Variants in SYN3 observed in about 807,000 individuals in gnomAD.
SYN3 encodes the protein synapsin III.
In SYN3, 35 loss-of-function variants were observed where a neutral mutation model predicts 65.8. The observed-to-expected ratio is 0.53, with a 90% CI of 0.41 to 0.70. The LOEUF is 0.70. Ranked by LOEUF, SYN3 falls within the 30% of genes least tolerant of loss-of-function variation. The pLI is 0.00. For missense variants in SYN3, 680 were observed against 749.0 expected (o/e 0.91, Z 1.08); for synonymous variants, 270 against 292.9 (o/e 0.92, Z 0.80).
At chr22:32,642,109 G>A (rs1253451756) in intron 6 of SYN3, among the ~76,000 whole-genome samples, 1 of 151,966 alleles carries the variant, frequency 6.6e-6, no homozygotes, top group African/African-American at 2.4e-5. Flanking sequence ...GGTCAATGTG[G>A]GGAAACCCTG....
At chr22:33,029,122 G>C (rs2053703005) in intron 1 of SYN3, among the ~76,000 whole-genome samples, 1 of 150,966 alleles carries the variant, frequency 6.6e-6, no homozygotes, top group Non-Finnish European at 1.5e-5. Flanking sequence ...AGGAAGTCAG[G>C]AAGTGCTATC....
intron 6 of SYN3, among the ~76,000 whole-genome samples, chr22:32,841,664 A>G (rs1210501829): frequency 7.3e-6 from 1 of 137,304 alleles, no homozygotes. Flanking sequence ...GAGGGGAACA[A>G]CATACACTGG....
chr22:32,755,702 T>C (rs1470434618), intron 6 of SYN3, among the ~76,000 whole-genome samples: 1 of 152,188 alleles, frequency 6.6e-6, no homozygotes, highest in Non-Finnish European at 1.5e-5. Flanking sequence ...GTCATTCTGT[T>C]GTGGGCAACC....
intron 6 of SYN3, among the ~76,000 whole-genome samples, chr22:32,622,214 A>G (rs905950735): frequency 6.6e-6 from 1 of 151,922 alleles, no homozygotes; most frequent in Admixed American, 6.6e-5. Flanking sequence ...ACCCACATTC[A>G]TCACTGTCCG....
intron 1 of SYN3, among the ~76,000 whole-genome samples, chr22:33,018,970 A>G (rs1401660000): frequency 2.6e-5 from 4 of 152,110 alleles, no homozygotes; most frequent in African/African-American, 4.8e-5. Flanking sequence ...CATTCCTACC[A>G]TAGACTTGGT....
chr22:32,794,065 G>A (rs1256007856), intron 6 of SYN3, among the ~76,000 whole-genome samples: 2 of 152,226 alleles, frequency 1.3e-5, no homozygotes, highest in East Asian at 3.8e-4. Flanking sequence ...GCATTTGTGT[G>A]TCCAGCATTG....
At chr22:32,820,267 C>T (rs1370075757) in intron 6 of SYN3, among the ~76,000 whole-genome samples, 7 of 143,344 alleles carry the variant, frequency 4.9e-5, no homozygotes, top group Non-Finnish European at 9.2e-5. Context: ...TGTGTGCGTG[C>T]GCGTGTGTGT....
chr22:32,800,792 T>C (rs2046549945), intron 6 of SYN3, among the ~76,000 whole-genome samples: 1 of 152,162 alleles, frequency 6.6e-6, no homozygotes, highest in East Asian at 1.9e-4. Context: ...GCACTTGCTG[T>C]TCCCCCTGCC....
intron 2 of SYN3, among the ~76,000 whole-genome samples, chr22:32,986,773 G>C (rs530835618): frequency 2.0e-4 from 31 of 152,242 alleles, no homozygotes; most frequent in Middle Eastern, 3.4e-3. Context: ...CTCATAATAA[G>C]CTCCCTGAAT....
At chr22:32,839,577 C>A (rs1010295264) in intron 6 of SYN3, among the ~76,000 whole-genome samples, 7 of 152,138 alleles carry the variant, frequency 4.6e-5, no homozygotes, top group Non-Finnish European at 2.9e-5. Context: ...TTGCCCTGTC[C>A]CAGGCCAAGG....
chr22:32,986,623 T>A (rs2052534823), intron 2 of SYN3, among the ~76,000 whole-genome samples: 1 of 152,154 alleles, frequency 6.6e-6, no homozygotes, highest in Non-Finnish European at 1.5e-5. Flanking sequence ...TGGTCTGGAA[T>A]TCTAGATGCC....
chr22:32,782,362 C>T (rs1244374860), intron 6 of SYN3, among the ~76,000 whole-genome samples: 4 of 151,718 alleles, frequency 2.6e-5, no homozygotes, highest in Non-Finnish European at 5.9e-5. Context: ...GCCACCACGC[C>T]CAGCTAATTT....
At chr22:32,700,697 A>T (rs961699114) in intron 6 of SYN3, among the ~76,000 whole-genome samples, 2 of 152,190 alleles carry the variant, frequency 1.3e-5, no homozygotes, top group Non-Finnish European at 2.9e-5. Context: ...TTAGACAAGC[A>T]CTCATATGGC....
At chr22:32,706,072 T>TCTTGG (rs1212768169) in intron 6 of SYN3, among the ~76,000 whole-genome samples, 6 of 152,194 alleles carry the variant, frequency 3.9e-5, no homozygotes, top group Non-Finnish European at 7.4e-5. Flanking sequence ...TGCCTGACTC[T>TCTTGG]CTTGGCCAAG....
chr22:32,600,812 C>T (rs1343485549), intron 6 of SYN3, among the ~76,000 whole-genome samples: 1 of 151,986 alleles, frequency 6.6e-6, no homozygotes, highest in African/African-American at 2.4e-5. Context: ...CTCAGACTTC[C>T]GAGTAGCTGG....
chr22:32,713,110 A>G (rs1165054483), intron 6 of SYN3, among the ~76,000 whole-genome samples: 1 of 152,044 alleles, frequency 6.6e-6, no homozygotes, highest in Non-Finnish European at 1.5e-5. Flanking sequence ...GTCATTATTT[A>G]TTGAATGGAT....
intron 4 of SYN3, among the ~76,000 whole-genome samples, chr22:32,899,432 G>A (rs1392103362): frequency 6.6e-6 from 1 of 152,186 alleles, no homozygotes; most frequent in Non-Finnish European, 1.5e-5. Context: ...CTGGGGAACG[G>A]AGGCGTTAAT....
chr22:32,730,688 T>G (rs923904330), intron 6 of SYN3, among the ~76,000 whole-genome samples: 1 of 152,220 alleles, frequency 6.6e-6, no homozygotes, highest in Non-Finnish European at 1.5e-5. Context: ...ACAGAAACTG[T>G]GAGGTAATAA....
Position 32,588,541 on chromosome 22 carries a change from T to C in SYN3, c.774+8133A>G, listed in dbSNP as rs142463203. Among the ~76,000 whole-genome samples, 529 of 152,340 alleles carry C rather than the reference T, an allele frequency of 3.5e-3. 3 individuals carry two copies. The highest frequency in any genetic ancestry group is 4.7e-3 in the Non-Finnish European group (318 of 68,034). Reference sequence around the variant, plus strand: ...ACAGGGTATATTTGTAGTGTGTTTTTAAAGCTCCCATTCACTGAACCAACC... The same window carrying C: ...ACAGGGTATATTTGTAGTGTGTTTTCAAAGCTCCCATTCACTGAACCAACC... On this transcript the variant is annotated intron_variant, in intron 7 of 13. Transcript: ENST00000358763.
Sources: gnomAD v4.1 joint callset for allele counts (sites outside exome capture counted in the v4.1 genomes callset) on GRCh38, gnomAD v4.1.1 for gene constraint, MANE v1.5 for transcripts, NCBI Gene and HGNC (gene_info 2026-07-23, HGNC 2026-07-21) for gene names.